Variants in ATP10A observed in about 807,000 individuals in gnomAD.
ATP10A encodes the protein phospholipid-transporting ATPase VA.
ATP10A carries 111 observed loss-of-function variants against 147.8 expected under a neutral mutation model. The ratio of observed to expected loss-of-function variants is 0.75; its 90% CI spans 0.64 to 0.88. The LOEUF (loss-of-function observed/expected upper bound fraction) is 0.88, where lower values mean the gene tolerates loss of function less well. Ranked by LOEUF, ATP10A falls within the 40% of genes least tolerant of loss-of-function variation. ATP10A has a pLI of 0.00. For missense variants in ATP10A, 1,927 were observed against 1,959.0 expected (o/e 0.98, Z 0.31); for synonymous variants, 875 against 841.6 (o/e 1.04, Z -0.69).
intron 9 of ATP10A, among the ~76,000 whole-genome samples, chr15:25,714,535 GTCCGCTGGCCTCT>G (rs1901662576): frequency 1.3e-5 from 2 of 151,994 alleles, no homozygotes; most frequent in Admixed American, 6.6e-5. Flanking sequence ...CCTTGAGATC[GTCCGCTGGCCTCT>G]TCCACTTCTC....
At chr15:25,798,582 C>T (rs533669789) in intron 1 of ATP10A, among the ~76,000 whole-genome samples, 3 of 152,332 alleles carry the variant, frequency 2.0e-5, no homozygotes, top group South Asian at 2.1e-4. Context: ...GCAGCCTCTA[C>T]GTGGATGTCC....
At chr15:25,760,857 A>C (rs1294578678) in intron 2 of ATP10A, among the ~76,000 whole-genome samples, 1 of 152,200 alleles carries the variant, frequency 6.6e-6, no homozygotes, top group Admixed American at 6.5e-5. Context: ...ACAAGCATAC[A>C]TATATAAAAC....
At chr15:25,756,930 C>T (rs116207027) in intron 2 of ATP10A, among the ~76,000 whole-genome samples, 5,283 of 152,132 alleles carry the variant, frequency 0.035, 140 homozygotes, top group African/African-American at 0.065. Context: ...TAGTTTAGCT[C>T]AATGTCAAAT....
At chr15:25,856,011 TA>T (rs1893500429) in intron 1 of ATP10A, among the ~76,000 whole-genome samples, 1 of 152,220 alleles carries the variant, frequency 6.6e-6, no homozygotes, top group Non-Finnish European at 1.5e-5. Flanking sequence ...ATGTTAAAAT[TA>T]AAAGAAGGTG....
intron 1 of ATP10A, among the ~76,000 whole-genome samples, chr15:25,826,669 C>T (rs1015472292): frequency 2.6e-5 from 4 of 152,150 alleles, no homozygotes; most frequent in African/African-American, 9.7e-5. Flanking sequence ...GTGGTGCACA[C>T]CTGTAATCTC....
At chr15:25,756,565 C>T (rs1888423273) in intron 2 of ATP10A, among the ~76,000 whole-genome samples, 1 of 152,090 alleles carries the variant, frequency 6.6e-6, no homozygotes, top group African/African-American at 2.4e-5. Flanking sequence ...ATGGCGTGAA[C>T]CCAGGAGGCG....
chr15:25,801,187 T>G (rs1890919335), intron 1 of ATP10A, among the ~76,000 whole-genome samples: 1 of 152,132 alleles, frequency 6.6e-6, no homozygotes, highest in Non-Finnish European at 1.5e-5. Flanking sequence ...TGAGGACATG[T>G]GCTCCAAATG....
chr15:25,736,007 T>G (rs374442328), intron 3 of ATP10A, 49 bp downstream of exon 3: 5 of 1,418,456 alleles, frequency 3.5e-6, no homozygotes, highest in South Asian at 3.4e-5. Context: ...CACCTGCCTA[T>G]GTAGTTATCA....
At chr15:25,694,797 T>C in intron 14 of ATP10A, 22 bp downstream of exon 14, 1 of 1,583,966 alleles carries the variant, frequency 6.3e-7, no homozygotes, top group Non-Finnish European at 8.6e-7. Flanking sequence ...GAGGAGGCCG[T>C]CTGGCCAGCT....
rs752365063 is a variant in ATP10A, at chr15:25,680,181, A to G, written c.3806T>C (p.Leu1269Pro). 2.5e-6 allele frequency: 4 copies of G among 1,614,196 alleles called. No individual in the cohort carries two copies. The highest frequency in any genetic ancestry group is 3.4e-6 in the Non-Finnish European group (4 of 1,180,034). Residue 1269 changes from leucine (L) to proline (P), a missense_variant, in exon 20 of 21, where the codon CTG becomes CCG. Coordinates refer to ENST00000555815, the MANE Select transcript of ATP10A (RefSeq NM_024490.4). ...SNPYWTMQAL[L>P]GDPVFYLTCL... ...AGTCAAGTAAAACACTGGGTCACCC[A>G]GTAAGGCTTGCATAGTCCAGTAAGG... is the stretch of plus-strand genomic sequence containing the variant.
intron 1 of ATP10A, among the ~76,000 whole-genome samples, chr15:25,811,711 G>A (rs146104614): frequency 6.6e-6 from 1 of 152,332 alleles, no homozygotes; most frequent in East Asian, 1.9e-4. Flanking sequence ...AGACACCACA[G>A]GCGTCAAGAG....
In ATP10A at chr15:25,713,978, C is replaced by T; in HGVS notation, c.2040G>A (p.Glu680=). The change falls in exon 10 of 21, where the codon GAG becomes GAA. Residue 680 remains glutamate (E), a synonymous_variant. Transcript: ENST00000555815. ...YSSQADNWAS[E]LAQEQESERE... The stretch of plus-strand genomic sequence containing the variant: ...GCTCTGACTCCTGCTCCTGAGCAAG[C>T]TCCGAGGCCCAGTTGTCCGCCTGGC... 1 of 1,609,834 alleles carries T rather than the reference C, an allele frequency of 6.2e-7. No individual in the cohort carries two copies. The highest frequency in any genetic ancestry group is 1.1e-5 in the South Asian group (1 of 91,066).
chr15:25,755,390 A>T (rs2140600842), intron 2 of ATP10A, among the ~76,000 whole-genome samples: 1 of 152,318 alleles, frequency 6.6e-6, no homozygotes, highest in Middle Eastern at 3.4e-3. Context: ...GAACCTGACT[A>T]GTCTCAGTGG....
At position 25,753,941 on chromosome 15, in the gene ATP10A, T is replaced by G. The variant is rs138493980; in HGVS notation, c.655-17800A>C. Reference sequence around the variant, plus strand: ...ACAAATGCACACCACCACACTTAGCTAATTTTTTGTTCTTGTAGAGACAAG... The same window carrying G: ...ACAAATGCACACCACCACACTTAGCGAATTTTTTGTTCTTGTAGAGACAAG... On this transcript the variant is annotated intron_variant, in intron 2 of 20. Transcript: ENST00000555815. 1.4e-3 allele frequency among the ~76,000 whole-genome samples: 219 copies of G among 152,166 alleles called. 1 individual carries two copies. The highest frequency in any genetic ancestry group is 2.0e-3 in the Non-Finnish European group (138 of 68,016).
chr15:25,851,373 T>A (rs540572704), intron 1 of ATP10A, among the ~76,000 whole-genome samples: 129 of 152,216 alleles, frequency 8.5e-4, no homozygotes, highest in African/African-American at 3.0e-3. Flanking sequence ...GTTTTTTTTT[T>A]TAATTATTAT....
At chr15:25,753,227 G>A (rs1012058394) in intron 2 of ATP10A, among the ~76,000 whole-genome samples, 5 of 152,026 alleles carry the variant, frequency 3.3e-5, no homozygotes, top group Admixed American at 1.3e-4. Flanking sequence ...TGCTCCCTTT[G>A]ACCATCATCT....
chr15:25,745,534 C>CAA (rs1887803649), intron 2 of ATP10A, among the ~76,000 whole-genome samples: 1 of 151,878 alleles, frequency 6.6e-6, no homozygotes, highest in Non-Finnish European at 1.5e-5. Context: ...TGAGCCTGGG[C>CAA]AACAGAGCAA....
intron 2 of ATP10A, among the ~76,000 whole-genome samples, chr15:25,753,134 A>G (rs1406813955): frequency 6.6e-6 from 1 of 152,318 alleles, no homozygotes; most frequent in East Asian, 1.9e-4. Flanking sequence ...TTTGAAATGT[A>G]TAATATTCCA....
intron 5 of ATP10A, among the ~76,000 whole-genome samples, chr15:25,725,416 GT>G (rs2140440253): frequency 6.6e-6 from 1 of 152,264 alleles, no homozygotes; most frequent in East Asian, 1.9e-4. Flanking sequence ...TGAAGATTTT[GT>G]TATAGAGGGG....
Sources: allele counts gnomAD v4.1 joint callset (sites outside exome capture counted in the v4.1 genomes callset), GRCh38; gene constraint gnomAD v4.1.1; transcripts MANE v1.5; gene names NCBI Gene and HGNC (gene_info 2026-07-23, HGNC 2026-07-21).